The following P2RY12 variants were observed in gnomAD, a reference collection of about 807,000 sequenced individuals.
P2RY12 encodes P2Y purinoceptor 12.
A neutral mutation model predicts 4.5 loss-of-function variants in P2RY12; 3 were observed. The observed-to-expected ratio is 0.67, with a 90% CI of 0.31 to 1.74. The LOEUF is 1.74. Ranked by LOEUF, P2RY12 falls within the 40% of genes most tolerant of loss-of-function variation. The probability of loss-of-function intolerance (pLI) is 0.09; values close to 1 mark genes in which losing one functional copy is unlikely to be tolerated. For missense variants in P2RY12, 356 were observed against 407.8 expected, an observed-to-expected ratio of 0.87 and a Z score of 1.09; for synonymous variants, 148 against 154.1, an observed-to-expected ratio of 0.96 and a Z score of 0.29.
intron 1 of P2RY12, chr3:151,365,231 A>G (rs746751799): frequency 1.3e-6 from 2 of 1,580,406 alleles, no homozygotes; most frequent in Non-Finnish European, 1.7e-6. Context: ...CCTGGAATTC[A>G]TGATTAACCA....
At chr3:151,368,809 T>G (rs1354421831) in intron 1 of P2RY12, among the ~76,000 whole-genome samples, 2 of 150,632 alleles carry the variant, frequency 1.3e-5, no homozygotes, top group Non-Finnish European at 3.0e-5. Flanking sequence ...TCACCCAGGC[T>G]GGAGTACAGT....
intron 1 of P2RY12, among the ~76,000 whole-genome samples, chr3:151,356,236 C>CA (rs1442100703): frequency 6.6e-6 from 1 of 151,756 alleles, no homozygotes; most frequent in Non-Finnish European, 1.5e-5. Flanking sequence ...CCCATCTCCA[C>CA]AAAAAATTTA....
chr3:151,353,260 A>G (rs1298844531), intron 1 of P2RY12, among the ~76,000 whole-genome samples: 2 of 152,212 alleles, frequency 1.3e-5, no homozygotes, highest in African/African-American at 2.4e-5. Flanking sequence ...GCACAAGACT[A>G]TTGATGTTAG....
At chr3:151,378,926 T>A (rs1280167379) in intron 1 of P2RY12, among the ~76,000 whole-genome samples, 1 of 152,362 alleles carries the variant, frequency 6.6e-6, no homozygotes. Context: ...TTAAAATTCT[T>A]ATAGCAATCA....
chr3:151,359,624 A>G (rs958835712), intron 1 of P2RY12, among the ~76,000 whole-genome samples: 1 of 152,142 alleles, frequency 6.6e-6, no homozygotes, highest in African/African-American at 2.4e-5. Context: ...CCTTTGAGCA[A>G]GTCACCCCAC....
chr3:151,360,035 T>C (rs551450593), intron 1 of P2RY12, among the ~76,000 whole-genome samples: 3 of 152,304 alleles, frequency 2.0e-5, no homozygotes, highest in African/African-American at 7.2e-5. Context: ...CTTATGCACT[T>C]GAAAATGGGT....
chr3:151,363,881 ATC>A lies in P2RY12; in HGVS notation c.-180+20809_-180+20810del, dbSNP rs1193925990. On this transcript the variant is annotated intron_variant, in intron 1 of 2. Transcript: ENST00000302632. ...ATTTTGGTAAACATTGAACTGAACA[ATC>A]TCTGTTTTCTTAAAGCTATTGACAG... Among the ~76,000 whole-genome samples the A allele has an allele frequency of 2.6e-5, 4 of 152,124 alleles. No individual in the cohort carries two copies. The East Asian group carries it at 5.8e-4, about 22-fold the overall frequency.
rs200811749 is a variant in P2RY12 at position 151,373,558 on chromosome 3, T to TG, written c.-180+11133dup. Among the ~76,000 whole-genome samples the TG allele has an allele frequency of 5.2e-3, 760 of 144,892 alleles. 8 individuals carry two copies. The highest frequency in any genetic ancestry group is 6.9e-3 in the African/African-American group (259 of 37,442). ...CTTTACTATGATGGTTGCAAAATGG[T>TG]GGTTTTTTTTTTTCCCCAACTTCTC... On this transcript the variant is annotated intron_variant, in intron 1 of 2. Transcript: ENST00000302632.
At chr3:151,343,360 A>G (rs1318056783) in intron 1 of P2RY12, among the ~76,000 whole-genome samples, 2 of 152,190 alleles carry the variant, frequency 1.3e-5, no homozygotes, top group Non-Finnish European at 2.9e-5. Context: ...CTAACAGTAG[A>G]GATTTGAGGG....
At chr3:151,382,592 C>T in intron 1 of P2RY12, 1 of 1,174,708 alleles carries the variant, frequency 8.5e-7, no homozygotes, top group Non-Finnish European at 1.2e-6. Flanking sequence ...CAGTATAAAG[C>T]TCAATTTATC....
rs376411623 is a variant in P2RY12, at chr3:151,367,727, G to A, written c.-180+16965C>T. 2.2e-5 allele frequency: 35 copies of A among 1,611,130 alleles called. No individual in the cohort carries two copies. The highest frequency in any genetic ancestry group is 3.0e-5 in the Non-Finnish European group (35 of 1,178,058). On this transcript the variant is annotated intron_variant, in intron 1 of 2. Coordinates refer to ENST00000302632, the MANE Select transcript of P2RY12 (RefSeq NM_022788.5). Reference sequence around the variant, plus strand: ...ACGACAGTGTTTTTCCCTGGAGGACGTCGTGCAGCATGTCGCACTTCCCTC... The same window carrying A: ...ACGACAGTGTTTTTCCCTGGAGGACATCGTGCAGCATGTCGCACTTCCCTC...
chr3:151,380,557 A>G (rs1712090846), intron 1 of P2RY12, among the ~76,000 whole-genome samples: 1 of 148,614 alleles, frequency 6.7e-6, no homozygotes, highest in African/African-American at 2.5e-5. Flanking sequence ...AGATCGCGCC[A>G]TTGCACACCA....
intron 1 of P2RY12, among the ~76,000 whole-genome samples, chr3:151,375,234 C>T (rs1756684526): frequency 1.3e-5 from 2 of 152,108 alleles, no homozygotes; most frequent in African/African-American, 4.8e-5. Flanking sequence ...TTATAAAGAT[C>T]CCAGGTAATT....
intron 1 of P2RY12, among the ~76,000 whole-genome samples, chr3:151,349,581 G>A (rs1308809824): frequency 6.7e-6 from 1 of 148,302 alleles, no homozygotes; most frequent in African/African-American, 2.6e-5. Context: ...ACTGCACCCT[G>A]TCCAGGAATA....
chr3:151,374,709 A>G (rs1161993205), intron 1 of P2RY12, among the ~76,000 whole-genome samples: 2 of 152,160 alleles, frequency 1.3e-5, no homozygotes, highest in Non-Finnish European at 2.9e-5. Flanking sequence ...CTATGAGTGT[A>G]TTCTTTATGT....
intron 1 of P2RY12, chr3:151,360,660 T>A: frequency 6.7e-7 from 1 of 1,489,722 alleles, no homozygotes. Flanking sequence ...TGTTTGTTAG[T>A]GACCCTGACA....
intron 1 of P2RY12, among the ~76,000 whole-genome samples, chr3:151,356,623 G>GT (rs888903146): frequency 1.5e-3 from 226 of 150,104 alleles, no homozygotes; most frequent in Admixed American, 4.0e-3. Flanking sequence ...TGTTTCTTCT[G>GT]TTTTTTTTTG....
At chr3:151,381,033 A>C (rs994150961) in intron 1 of P2RY12, among the ~76,000 whole-genome samples, 4 of 152,246 alleles carry the variant, frequency 2.6e-5, no homozygotes, top group Non-Finnish European at 5.9e-5. Context: ...TTCACCAAAC[A>C]CAGTTCTCCT....
chr3:151,357,154 A>G (rs923082667), intron 1 of P2RY12: 9 of 1,380,816 alleles, frequency 6.5e-6, no homozygotes, highest in Non-Finnish European at 8.9e-6. Flanking sequence ...ATAAAAATAA[A>G]TGTTTTCTCT....
Sources: gnomAD v4.1 joint callset for allele counts (sites outside exome capture counted in the v4.1 genomes callset) on GRCh38, gnomAD v4.1.1 for gene constraint, MANE v1.5 for transcripts, NCBI Gene and HGNC (gene_info 2026-07-23, HGNC 2026-07-21) for gene names.